RERE: variants seen among roughly 807,000 people sequenced by gnomAD.
The protein encoded by RERE is arginine-glutamic acid dipeptide repeats protein.
In RERE, 40 loss-of-function variants were observed where a neutral mutation model predicts 146.1. The observed-to-expected ratio is 0.27, with a 90% CI of 0.21 to 0.36. The LOEUF (loss-of-function observed/expected upper bound fraction) is 0.36. Among genes scored for constraint, RERE ranks in the 10% least tolerant of loss-of-function variants. RERE has a pLI of 1.00. For synonymous variants in RERE, 1,003 were observed against 866.0 expected (o/e 1.16, Z -2.78); for missense variants, 1,933 against 2,138.7 (o/e 0.90, Z 1.90).
intron 1 of RERE, among the ~76,000 whole-genome samples, chr1:8,701,004 G>A (rs559496317): frequency 1.3e-5 from 2 of 152,194 alleles, no homozygotes; most frequent in Admixed American, 1.3e-4. Context: ...AAGCAAGCAC[G>A]GTGGCATGGG....
intron 4 of RERE, among the ~76,000 whole-genome samples, chr1:8,605,844 A>ATTTTTT (rs1646701466): frequency 5.9e-5 from 1 of 16,838 alleles, no homozygotes; most frequent in Non-Finnish European, 9.8e-5. Flanking sequence ...TAAATACCAA[A>ATTTTTT]CTTTTTTTTT....
intron 4 of RERE, among the ~76,000 whole-genome samples, chr1:8,593,901 G>A (rs1049926094): frequency 6.6e-6 from 1 of 152,130 alleles, no homozygotes; most frequent in Non-Finnish European, 1.5e-5. Context: ...ATGCACCGGG[G>A]CAGACAGGAG....
rs750237698 is a variant in RERE at position 8,365,864 on chromosome 1, G to A, written c.1395C>T (p.Arg465=). 1 of 1,614,110 alleles carries A rather than the reference G, an allele frequency of 6.2e-7. No individual in the cohort carries two copies. The highest frequency in any genetic ancestry group is 8.5e-7 in the Non-Finnish European group (1 of 1,180,022). The change falls in exon 13 of 23, where the codon CGC becomes CGT. Residue 465 remains arginine, a synonymous_variant. Coordinates refer to ENST00000400908, the MANE Select transcript of RERE (RefSeq NM_001042681.2). The part of the protein sequence containing the change: ...RQAVFRRIKT[R]TASTPVNTPS... Reference sequence around the variant, plus strand: ...GTGTGTTGACGGGTGTGGACGCGGTGCGAGTCTTAATCCTCCTGAACACGG... The same window carrying A: ...GTGTGTTGACGGGTGTGGACGCGGTACGAGTCTTAATCCTCCTGAACACGG...
intron 7 of RERE, among the ~76,000 whole-genome samples, chr1:8,521,376 T>A (rs1645498417): frequency 2.0e-5 from 3 of 152,132 alleles, no homozygotes; most frequent in Admixed American, 1.3e-4. Flanking sequence ...GCACAGTGGC[T>A]CATGCCTATA....
At chr1:8,795,451 T>C (rs1210741792) in intron 1 of RERE, among the ~76,000 whole-genome samples, 2 of 152,000 alleles carry the variant, frequency 1.3e-5, no homozygotes, top group Non-Finnish European at 2.9e-5. Context: ...ACATGCCACA[T>C]ATCCAGCATG....
chr1:8,767,752 C>G (rs1640875652), intron 1 of RERE, among the ~76,000 whole-genome samples: 1 of 152,064 alleles, frequency 6.6e-6, no homozygotes. Context: ...ACTTGAAGGT[C>G]AGGAGTTCAA....
chr1:8,423,444 T>G lies in RERE; in HGVS notation c.1204-637A>C. ...CTCCCGACGCCACTCGCCGCCCCCA[T>G]CCATTTTCGCAGCAGACTCGTCCCT... On this transcript the variant is annotated intron_variant, in intron 11 of 22. Transcript: ENST00000400908. The surrounding 1 kb of genome is among the most constrained non-coding windows in gnomAD (Gnocchi z 5.4). The G allele has an allele frequency of 2.9e-6, 2 of 694,056 alleles. No homozygotes were observed. Among genetic ancestry groups the G allele is most frequent in the Non-Finnish European group, 3.5e-6 (2 of 564,220 alleles). 43.0% of individuals were successfully genotyped at this position (694,056 alleles called of 1,614,324 possible).
At chr1:8,685,660 A>T (rs1639071027) in intron 1 of RERE, among the ~76,000 whole-genome samples, 1 of 152,194 alleles carries the variant, frequency 6.6e-6, no homozygotes, top group South Asian at 2.1e-4. Flanking sequence ...AATGTCCAAA[A>T]ATGTGACTGC....
chr1:8,672,907 C>T (rs1638749922), intron 1 of RERE, among the ~76,000 whole-genome samples: 1 of 152,048 alleles, frequency 6.6e-6, no homozygotes, highest in Non-Finnish European at 1.5e-5. Context: ...GGTAAAATAC[C>T]AATTCTATCT....
intron 7 of RERE, among the ~76,000 whole-genome samples, chr1:8,534,039 G>A (rs1645692067): frequency 6.6e-6 from 1 of 152,136 alleles, no homozygotes; most frequent in Non-Finnish European, 1.5e-5. Context: ...GCAGATAAAA[G>A]CAAACAGGAA....
rs540621325 is a variant in RERE, at chr1:8,358,636, C to T, written c.3899G>A (p.Arg1300His). The T allele has an allele frequency of 2.3e-5, 37 of 1,586,908 alleles. No individual in the cohort carries two copies. The highest frequency in any genetic ancestry group is 2.9e-5 in the Non-Finnish European group (34 of 1,167,080). The change falls in exon 20 of 23, where the codon CGC (arginine) becomes CAC (histidine). Residue 1300 changes from arginine (R) to histidine (H), a missense_variant. Arg to His is a conservative substitution (Grantham distance 29). Coordinates refer to ENST00000400908, the MANE Select transcript of RERE (RefSeq NM_001042681.2). ...CTCCCGCTCCCGGAGCTCCCGCTCG[C>T]GGATGGTGGGGTCGACGTTGTAGAG... Reference protein sequence around the residue: ...PGLYNVDPTIRERELREREIR... With the variant: ...PGLYNVDPTIHERELREREIR...
At chr1:8,797,640 A>T (rs1641503995) in intron 1 of RERE, among the ~76,000 whole-genome samples, 1 of 152,230 alleles carries the variant, frequency 6.6e-6, no homozygotes, top group Non-Finnish European at 1.5e-5. Flanking sequence ...TTCAGGTTTT[A>T]TATTTAAAAC....
chr1:8,693,555 T>TA (rs1557485403), intron 1 of RERE, among the ~76,000 whole-genome samples: 1 of 152,008 alleles, frequency 6.6e-6, no homozygotes, highest in Non-Finnish European at 1.5e-5. Flanking sequence ...ATGGAGATAT[T>TA]AAAAAAGATC....
rs149709403 is a variant in RERE, at chr1:8,708,030, T to C, written c.-144-51589A>G. Among the ~76,000 whole-genome samples, 29 of 152,288 alleles carry C rather than the reference T, an allele frequency of 1.9e-4. No individual in the cohort carries two copies. In the East Asian group the frequency reaches 5.0e-3, roughly 26 times the overall value. ...TCATAGGTAGGTATGTGTAGGAAAA[T>C]AGTAAAAACAGGGTTCAGTATTATC... On this transcript the variant is annotated intron_variant, in intron 1 of 22. Coordinates refer to ENST00000400908, the MANE Select transcript of RERE (RefSeq NM_001042681.2).
chr1:8,362,003 G>C, intron 16 of RERE, 127 bp from the exon 17 acceptor site: 2 of 665,698 alleles, frequency 3.0e-6, no homozygotes, highest in Non-Finnish European at 5.2e-6. Flanking sequence ...GGAGCAAAAA[G>C]CTCTAGAAGG....
intron 1 of RERE, among the ~76,000 whole-genome samples, chr1:8,681,566 C>A (rs1252129894): frequency 6.6e-6 from 1 of 152,036 alleles, no homozygotes; most frequent in South Asian, 2.1e-4. Flanking sequence ...TGAGTTGAAA[C>A]CTCAAATCAT....
chr1:8,671,088 G>GT (rs1638705841), intron 1 of RERE, among the ~76,000 whole-genome samples: 1 of 152,238 alleles, frequency 6.6e-6, no homozygotes, highest in Non-Finnish European at 1.5e-5. Context: ...GTATTAAGAT[G>GT]TATGTGTTGA....
intron 12 of RERE, among the ~76,000 whole-genome samples, chr1:8,394,346 T>C (rs1370106979): frequency 6.6e-6 from 1 of 152,224 alleles, no homozygotes; most frequent in African/African-American, 2.4e-5. Context: ...GAGAAATATT[T>C]CTTGCTTTTC....
chr1:8,503,087 A>AAAAAAAATAAAT (rs1553176579), intron 8 of RERE, among the ~76,000 whole-genome samples: 2 of 144,600 alleles, frequency 1.4e-5, no homozygotes, highest in African/African-American at 5.3e-5. Flanking sequence ...TGATCAATTA[A>AAAAAAAATAAAT]AAATAAATAA....
Sources: gnomAD v4.1 joint callset for allele counts (sites outside exome capture counted in the v4.1 genomes callset) on GRCh38, gnomAD v4.1.1 for gene constraint, Gnocchi (gnomAD v3.1) non-coding constraint, MANE v1.5 for transcripts, NCBI Gene and HGNC (gene_info 2026-07-23, HGNC 2026-07-21) for gene names.